SDSL: variants seen among roughly 807,000 people sequenced by gnomAD.
SDSL encodes serine dehydratase like.
SDSL carries 26 observed loss-of-function variants against 27.6 expected under a neutral mutation model. The observed-to-expected ratio is 0.94, with a 90% CI of 0.69 to 1.31. SDSL has a LOEUF of 1.31. Ranked by LOEUF, SDSL falls within the 50% of genes most tolerant of loss-of-function variation. The pLI, the probability that SDSL is intolerant of heterozygous loss-of-function variation, is 0.00. For missense variants in SDSL, 431 were observed against 423.5 expected (o/e 1.02, Z -0.16); for synonymous variants, 196 against 180.6 (o/e 1.09, Z -0.69).
At chr12:113,432,264 C>CTTTCTTTCT (rs1555210069) in intron 4 of SDSL, among the ~76,000 whole-genome samples, 5 of 133,124 alleles carry the variant, frequency 3.8e-5, no homozygotes, top group Non-Finnish European at 4.8e-5. Flanking sequence ...TTCTTTCTTT[C>CTTTCTTTCT]TTTCTTTCTT....
intron 6 of SDSL, 142 bp from the exon 7 acceptor site, chr12:113,436,609 A>T (rs1169443331): frequency 3.5e-6 from 3 of 854,518 alleles, no homozygotes; most frequent in East Asian, 6.6e-5. Context: ...ATTTTTGAGC[A>T]CCTCCTCTGT....
At chr12:113,431,343 T>C (rs1957918963) in intron 4 of SDSL, among the ~76,000 whole-genome samples, 1 of 152,210 alleles carries the variant, frequency 6.6e-6, no homozygotes, top group Non-Finnish European at 1.5e-5. Context: ...GGATTTTCAC[T>C]CTGCCTGCTC....
intron 1 of SDSL, among the ~76,000 whole-genome samples, chr12:113,423,829 A>T (rs1267938905): frequency 6.6e-6 from 1 of 152,062 alleles, no homozygotes; most frequent in African/African-American, 2.4e-5. Context: ...CCAGGGGAAA[A>T]ATCTGGGGAT....
intron 7 of SDSL, 150 bp from the exon 8 acceptor site, chr12:113,437,736 C>G: frequency 1.4e-6 from 1 of 703,066 alleles, no homozygotes; most frequent in South Asian, 1.8e-5. Flanking sequence ...ATGGGGAGAG[C>G]GTGAGACAAG....
chr12:113,434,059 G>A, intron 4 of SDSL, 75 bp from the exon 5 acceptor site: 2 of 1,247,346 alleles, frequency 1.6e-6, no homozygotes, highest in East Asian at 2.3e-5. Context: ...CCACCAAGGA[G>A]ATCCTGGGCC....
Position 113,435,320 on chromosome 12 carries a change from C to T in SDSL, c.444-9C>T, listed in dbSNP as rs369587117. 11 of 1,492,202 alleles carry T rather than the reference C, an allele frequency of 7.4e-6. No homozygotes were observed. The highest frequency in any genetic ancestry group is 4.5e-5 in the Admixed American group (2 of 44,566). The allele number at this position is 1,492,202 out of a possible 1,614,324, so 92.4% of individuals were successfully genotyped here. ...CACTCTGCTTCTCCCTCTCACCCCC[C>T]CTCCCCAGGAAAGGCCACGCCAGCC... is the stretch of plus-strand genomic sequence containing the variant. On this transcript the variant is annotated splice_polypyrimidine_tract_variant and intron_variant, in intron 5 of 7. Coordinates refer to ENST00000403593, the MANE Select transcript of SDSL (RefSeq NM_001304993.2).
chr12:113,437,014 G>A lies in SDSL; in HGVS notation c.796+139G>A, dbSNP rs558832586. 466 of 802,228 alleles carry A rather than the reference G, an allele frequency of 5.8e-4. 4 individuals carry two copies. The African/African-American group carries it at 6.9e-3, about 12-fold the overall frequency. 49.7% of individuals were successfully genotyped at this position (802,228 alleles called of 1,614,324 possible). ...TGCAGTTACTGTGCACTAAGTGCACGTCGAGTAGATGGAAGGGGGTGAGGA... is the reference window on the plus strand; with the variant it reads ...TGCAGTTACTGTGCACTAAGTGCACATCGAGTAGATGGAAGGGGGTGAGGA... On this transcript the variant is annotated intron_variant, in intron 7 of 7. Transcript: ENST00000403593.
intron 5 of SDSL, 111 bp downstream of exon 5, chr12:113,434,333 T>G (rs1957965582): frequency 2.5e-6 from 2 of 801,642 alleles, no homozygotes; most frequent in Admixed American, 2.4e-5. Flanking sequence ...GAGAAGAGGC[T>G]TCAAAGCCAG....
chr12:113,432,363 G>T (rs1957945423), intron 4 of SDSL, among the ~76,000 whole-genome samples: 1 of 140,994 alleles, frequency 7.1e-6, no homozygotes, highest in African/African-American at 2.6e-5. Flanking sequence ...TCTTTTTTTT[G>T]AGACAGTCTT....
rs552679428 is a variant in SDSL at position 113,428,920 on chromosome 12, GT to G, written c.215-228del. Among the ~76,000 whole-genome samples, 954 of 140,770 alleles carry G rather than the reference GT, an allele frequency of 6.8e-3. 5 individuals carry two copies. Among genetic ancestry groups the G allele is most frequent in the African/African-American group, 0.013 (514 of 38,716 alleles). The allele number at this position is 140,770 out of a possible 152,430, so 92.4% of individuals were successfully genotyped here. ...GATGCCTCGCCTCAATCCTGGAATT[GT>G]TTTTTTTTTTTGGCCCCGCTTGGGT... On this transcript the variant is annotated intron_variant, in intron 3 of 7. Coordinates refer to ENST00000403593, the MANE Select transcript of SDSL (RefSeq NM_001304993.2).
Position 113,435,554 on chromosome 12 carries a change from C to T in SDSL, c.669C>T (p.Thr223=). Residue 223 remains threonine, a splice_region_variant and synonymous_variant, in exon 6 of 8, where the codon ACC becomes ACT. Transcript: ENST00000403593. Reference sequence around the variant, plus strand: ...AGCTGGTCACACTTCCAGACATCACCAGGTGGGTAAGGGCTGGGGACATTT... The same window carrying T: ...AGCTGGTCACACTTCCAGACATCACTAGGTGGGTAAGGGCTGGGGACATTT... The part of the protein sequence containing the change: ...AGKLVTLPDI[T]SVAKSLGAKT... 1 of 1,612,136 alleles carries T rather than the reference C, an allele frequency of 6.2e-7. No homozygotes were observed. The highest frequency in any genetic ancestry group is 8.5e-7 in the Non-Finnish European group (1 of 1,178,846).
rs952976897 is a variant in SDSL at position 113,427,951 on chromosome 12, T to C, written c.-21-11T>C. 7.6e-6 allele frequency: 12 copies of C among 1,589,396 alleles called. No homozygotes were observed. Among genetic ancestry groups the C allele is most frequent in the Non-Finnish European group, 9.4e-6 (11 of 1,167,288 alleles). On this transcript the variant is annotated splice_polypyrimidine_tract_variant and intron_variant, in intron 1 of 7. Coordinates refer to ENST00000403593, the MANE Select transcript of SDSL (RefSeq NM_001304993.2). ...GGACTGCCTGGGTGGTGACTTTGTGTCCTCCTGCAGGCTGTCTACCTGGTC... is the reference window on the plus strand; with the variant it reads ...GGACTGCCTGGGTGGTGACTTTGTGCCCTCCTGCAGGCTGTCTACCTGGTC...
At chr12:113,434,280 G>C in intron 5 of SDSL, 58 bp downstream of exon 5, 2 of 1,336,280 alleles carry the variant, frequency 1.5e-6, no homozygotes, top group Non-Finnish European at 2.1e-6. Flanking sequence ...CACTGAGTCA[G>C]GGTCCTCCCA....
chr12:113,428,303 C>T (rs1051007000), intron 2 of SDSL, 117 bp from the exon 3 acceptor site: 102 of 1,303,662 alleles, frequency 7.8e-5, no homozygotes, highest in Admixed American at 1.5e-4. Context: ...GGGCTGTGGG[C>T]AGGATGAGGG....
intron 1 of SDSL, among the ~76,000 whole-genome samples, chr12:113,427,580 C>T (rs1957863810): frequency 6.6e-6 from 1 of 152,196 alleles, no homozygotes; most frequent in African/African-American, 2.4e-5. Context: ...TGTGACTTTT[C>T]CTAGTGGGAG....
At chr12:113,433,962 T>G (rs1388942792) in intron 4 of SDSL, among the ~76,000 whole-genome samples, 172 bp from the exon 5 acceptor site, 1 of 152,126 alleles carries the variant, frequency 6.6e-6, no homozygotes, top group Admixed American at 6.5e-5. Context: ...CGCCTGGAAG[T>G]GCTTGTCCAA....
intron 4 of SDSL, among the ~76,000 whole-genome samples, chr12:113,430,597 G>A (rs1957910041): frequency 6.6e-6 from 1 of 152,200 alleles, no homozygotes; most frequent in South Asian, 2.1e-4. Context: ...GAGAAGAAAC[G>A]CATGACGGCT....
chr12:113,438,152 G>A lies in SDSL; in HGVS notation c.*73G>A. The stretch of plus-strand genomic sequence containing the variant: ...CCTGTGTCTGGATGAGGAGGACTCA[G>A]TGCTGGCAGATGGCAGTGGAAGCTG... On this transcript the variant is annotated 3_prime_UTR_variant, in exon 8 of 8. Transcript: ENST00000403593. 1.5e-6 allele frequency: 2 copies of A among 1,341,480 alleles called. No homozygotes were observed. Among genetic ancestry groups the A allele is most frequent in the Non-Finnish European group, 2.1e-6 (2 of 974,890 alleles). The allele number at this position is 1,341,480 out of a possible 1,614,324, so 83.1% of individuals were successfully genotyped here. A position where few individuals can be genotyped will look rare whatever the true frequency, so the allele number is the denominator to read the frequency against.
At chr12:113,434,106 G>C in intron 4 of SDSL, 28 bp from the exon 5 acceptor site, 1 of 1,602,726 alleles carries the variant, frequency 6.2e-7, no homozygotes, top group Non-Finnish European at 8.5e-7. Flanking sequence ...ACTCCCGGCT[G>C]TTCTGAGGGC....
Sources: gnomAD v4.1 joint callset for allele counts (sites outside exome capture counted in the v4.1 genomes callset) on GRCh38, gnomAD v4.1.1 for gene constraint, MANE v1.5 for transcripts, NCBI Gene and HGNC (gene_info 2026-07-23, HGNC 2026-07-21) for gene names.